Variants in STOX2 observed in about 807,000 individuals in gnomAD.
STOX2 encodes the protein storkhead box 2, also known as storkhead-box protein 2.
In STOX2, 28 loss-of-function variants were observed where a neutral mutation model predicts 60.9. The ratio of observed to expected loss-of-function variants is 0.46; its 90% CI spans 0.34 to 0.63. The LOEUF (loss-of-function observed/expected upper bound fraction) is 0.63. STOX2 is among the 30% of genes least tolerant of loss of function. STOX2 has a pLI of 0.01. For synonymous variants in STOX2, 472 were observed against 463.9 expected (o/e 1.02, Z -0.22); for missense variants, 1,024 against 1,187.7 (o/e 0.86, Z 2.03).
intron 1 of STOX2, among the ~76,000 whole-genome samples, chr4:183,876,941 G>A (rs535567909): frequency 9.8e-5 from 15 of 152,310 alleles, no homozygotes; most frequent in African/African-American, 3.4e-4. Context: ...GAACATGGCC[G>A]TGCCGTTCAG....
intron 1 of STOX2, among the ~76,000 whole-genome samples, chr4:183,924,967 A>G (rs1180832227): frequency 3.3e-5 from 5 of 152,186 alleles, no homozygotes; most frequent in Middle Eastern, 3.2e-3. Flanking sequence ...CTTAATTTGT[A>G]TGATGAGTGA....
chr4:183,979,184 G>A (rs1241725802), intron 1 of STOX2, among the ~76,000 whole-genome samples: 4 of 152,196 alleles, frequency 2.6e-5, no homozygotes, highest in African/African-American at 9.7e-5. Flanking sequence ...CAAAGAGGGA[G>A]CCAGCATTGT....
At chr4:183,930,750 G>A (rs1403306289) in intron 1 of STOX2, among the ~76,000 whole-genome samples, 1 of 152,084 alleles carries the variant, frequency 6.6e-6, no homozygotes, top group Non-Finnish European at 1.5e-5. Flanking sequence ...CCTCTGTTTT[G>A]GAGGAAGAGC....
In STOX2 at chr4:184,009,545, C is replaced by G. The variant is rs772058475; in HGVS notation, c.707C>G (p.Pro236Arg). The change falls in exon 3 of 4, where the codon CCC becomes CGC. Residue 236 changes from proline (P) to arginine (R), a missense_variant. Around this residue, in one of 3 missense-constraint regions of STOX2, gnomAD observed 922 missense variants for 1,058.3 expected, o/e 0.87. Transcript: ENST00000308497. This position sits in a 1 kb window ranked among gnomAD's most constrained non-coding sequence, Gnocchi z 4.0. ...YCPPSLCQVPPTEKSKSTVNF... is the reference protein window; with the variant it reads ...YCPPSLCQVPRTEKSKSTVNF... ...CCCCCTTCTCTGTGCCAGGTGCCAC[C>G]CACTGAAAAGAGCAAAAGTACTGTA... 1 of 1,613,964 alleles carries G rather than the reference C, an allele frequency of 6.2e-7. No homozygotes were observed. Among genetic ancestry groups the G allele is most frequent in the Non-Finnish European group, 8.5e-7 (1 of 1,179,874 alleles).
chr4:183,979,109 T>TAGAG (rs1366730202), intron 1 of STOX2, among the ~76,000 whole-genome samples: 1 of 152,162 alleles, frequency 6.6e-6, no homozygotes, highest in Non-Finnish European at 1.5e-5. Context: ...CTGCAGGCTG[T>TAGAG]AGAGGAAGCA....
chr4:183,975,999 A>G (rs1184571670), intron 1 of STOX2, among the ~76,000 whole-genome samples: 1 of 152,196 alleles, frequency 6.6e-6, no homozygotes, highest in African/African-American at 2.4e-5. Flanking sequence ...GGCTTGGAAT[A>G]TAAGGCAGCA....
Position 184,017,323 on chromosome 4 carries a change from A to C in STOX2, c.*39A>C, listed in dbSNP as rs1195907952. 2 of 1,520,900 alleles carry C rather than the reference A, an allele frequency of 1.3e-6. No individual in the cohort carries two copies. The highest frequency in any genetic ancestry group is 2.5e-5 in the South Asian group (2 of 79,126). The allele number at this position is 1,520,900 out of a possible 1,614,324, so 94.2% of individuals were successfully genotyped here. On this transcript the variant is annotated 3_prime_UTR_variant, in exon 4 of 4. Coordinates refer to ENST00000308497, the MANE Select transcript of STOX2 (RefSeq NM_020225.3). ...TCAGATCTTCTGTCTCATTCGATAC[A>C]GCAAAGTTTACGACACTGGGACTGA...
chr4:183,820,876 G>A (rs983027102), intron 1 of STOX2, among the ~76,000 whole-genome samples: 13 of 151,994 alleles, frequency 8.6e-5, no homozygotes, highest in Admixed American at 4.6e-4. Flanking sequence ...GTGGTAGGCC[G>A]AGGTAGAAGG....
At chr4:184,008,208 A>C (rs1733960492) in intron 2 of STOX2, among the ~76,000 whole-genome samples, 1 of 152,214 alleles carries the variant, frequency 6.6e-6, no homozygotes, top group Non-Finnish European at 1.5e-5. Flanking sequence ...GGCATTGAGA[A>C]ATGGAGAATA....
intron 1 of STOX2, among the ~76,000 whole-genome samples, chr4:183,950,567 A>C (rs1009460495): frequency 1.3e-5 from 2 of 152,178 alleles, no homozygotes; most frequent in African/African-American, 4.8e-5. Context: ...AAGCCACTGG[A>C]AGGCTTAATG....
chr4:183,948,244 A>T (rs1203241360), intron 1 of STOX2, among the ~76,000 whole-genome samples: 1 of 146,460 alleles, frequency 6.8e-6, no homozygotes, highest in African/African-American at 2.5e-5. Context: ...AAAAAAAAAA[A>T]CACGAAAAAG....
At chr4:183,834,157 A>G (rs2111123891) in intron 1 of STOX2, among the ~76,000 whole-genome samples, 1 of 152,242 alleles carries the variant, frequency 6.6e-6, no homozygotes, top group African/African-American at 2.4e-5. Context: ...GGAGAGGAGC[A>G]TTCCATCAGC....
rs1244174228 is a variant in STOX2, at chr4:184,001,559, G to T, written c.319+82G>T. ...GACTCACGTGGACTGTTCTGCCCAT[G>T]TTTAAAGAGAATAGGAAAACATTCT... On this transcript the variant is annotated intron_variant, in intron 2 of 3. Coordinates refer to ENST00000308497, the MANE Select transcript of STOX2 (RefSeq NM_020225.3). This position sits in a 1 kb window ranked among gnomAD's most constrained non-coding sequence, Gnocchi z 4.2. The T allele has an allele frequency of 5.2e-6, 7 of 1,356,194 alleles. No individual in the cohort carries two copies. The highest frequency in any genetic ancestry group is 6.0e-6 in the Non-Finnish European group (6 of 996,378). The allele number at this position is 1,356,194 out of a possible 1,614,324, so 84.0% of individuals were successfully genotyped here. A position where few individuals can be genotyped will look rare whatever the true frequency, so the allele number is the denominator to read the frequency against.
chr4:183,882,666 T>C (rs2111173936), intron 1 of STOX2, among the ~76,000 whole-genome samples: 1 of 152,348 alleles, frequency 6.6e-6, no homozygotes, highest in African/African-American at 2.4e-5. Context: ...TGGGTTACAC[T>C]TTTGCTGCTT....
At chr4:183,900,283 G>A (rs1245262743) in intron 1 of STOX2, among the ~76,000 whole-genome samples, 1 of 152,138 alleles carries the variant, frequency 6.6e-6, no homozygotes, top group Non-Finnish European at 1.5e-5. Flanking sequence ...TTTTGCAGTA[G>A]CCCATGGATT....
chr4:183,949,381 A>G (rs1742998920), intron 1 of STOX2, among the ~76,000 whole-genome samples: 2 of 152,190 alleles, frequency 1.3e-5, no homozygotes, highest in African/African-American at 4.8e-5. Flanking sequence ...AAATAGTAAT[A>G]GTTTGGATGT....
intron 1 of STOX2, among the ~76,000 whole-genome samples, chr4:183,979,929 T>A (rs973410147): frequency 3.3e-5 from 5 of 152,192 alleles, no homozygotes; most frequent in African/African-American, 1.2e-4. Flanking sequence ...GTGATGAGAA[T>A]GTTTGGCCAG....
chr4:183,875,146 A>T (rs1466061044), intron 1 of STOX2, among the ~76,000 whole-genome samples: 1 of 151,096 alleles, frequency 6.6e-6, no homozygotes, highest in Non-Finnish European at 1.5e-5. Context: ...TCTTTCCCTG[A>T]CCAACATTTG....
chr4:183,841,416 T>C (rs899622631), intron 1 of STOX2, among the ~76,000 whole-genome samples: 16 of 152,058 alleles, frequency 1.1e-4, no homozygotes, highest in Non-Finnish European at 4.4e-5. Flanking sequence ...ACTTGCACTG[T>C]TACCCAGGCT....
Sources: allele counts gnomAD v4.1 joint callset (sites outside exome capture counted in the v4.1 genomes callset), GRCh38; gene constraint gnomAD v4.1.1; regional missense constraint gnomAD v4.1.1; non-coding constraint Gnocchi (gnomAD v3.1); transcripts MANE v1.5; gene names NCBI Gene and HGNC (gene_info 2026-07-23, HGNC 2026-07-21).